Variants in TP63 observed in about 807,000 individuals in gnomAD.
TP63 encodes the protein tumor protein 63.
TP63 carries 17 observed loss-of-function variants against 82.8 expected under a neutral mutation model. That is an observed-to-expected ratio of 0.21 (90% CI 0.14 to 0.31). TP63 has a LOEUF of 0.31. Among genes scored for constraint, TP63 ranks in the 10% least tolerant of loss-of-function variants. The pLI is 1.00. For missense variants in TP63, 648 were observed against 895.3 expected, an observed-to-expected ratio of 0.72 and a Z score of 3.52; for synonymous variants, 330 against 321.7, an observed-to-expected ratio of 1.03 and a Z score of -0.28.
chr3:189,890,317 T>C (rs1026859098), intron 12 of TP63, among the ~76,000 whole-genome samples: 6 of 152,116 alleles, frequency 3.9e-5, no homozygotes, highest in Non-Finnish European at 7.4e-5. Flanking sequence ...AGGACATAAA[T>C]CAAAAGGCAT....
chr3:189,642,250 A>G (rs943273517), intron 1 of TP63, among the ~76,000 whole-genome samples: 1 of 152,186 alleles, frequency 6.6e-6, no homozygotes, highest in African/African-American at 2.4e-5. Context: ...GGAAACCACA[A>G]TTACTAATTT....
intron 3 of TP63, among the ~76,000 whole-genome samples, chr3:189,768,982 C>A (rs764772145): frequency 1.3e-5 from 2 of 152,172 alleles, no homozygotes; most frequent in Non-Finnish European, 2.9e-5. Flanking sequence ...TTGAAGCTCA[C>A]GTCTAAAACT....
At chr3:189,736,096 T>C (rs1168347159) in intron 1 of TP63, among the ~76,000 whole-genome samples, 1 of 149,114 alleles carries the variant, frequency 6.7e-6, no homozygotes, top group Non-Finnish European at 1.5e-5. Context: ...TTATTTAAAA[T>C]ATACATATCA....
intron 1 of TP63, among the ~76,000 whole-genome samples, chr3:189,707,590 T>C (rs1718298036): frequency 6.6e-6 from 1 of 152,208 alleles, no homozygotes; most frequent in Non-Finnish European, 1.5e-5. Flanking sequence ...AAATTTTTGC[T>C]CTTTTACATA....
At chr3:189,742,878 C>T (rs892589559) in intron 3 of TP63, among the ~76,000 whole-genome samples, 2 of 152,098 alleles carry the variant, frequency 1.3e-5, no homozygotes, top group African/African-American at 2.4e-5. Flanking sequence ...ATTGGCAACA[C>T]ATTGCAGAGA....
intron 4 of TP63, among the ~76,000 whole-genome samples, chr3:189,829,258 G>A (rs551497363): frequency 6.6e-6 from 1 of 152,252 alleles, no homozygotes; most frequent in Non-Finnish European, 1.5e-5. Flanking sequence ...GAGGATTCAG[G>A]AAATCATTTA....
At chr3:189,737,438 A>C (rs917471205) in intron 1 of TP63, among the ~76,000 whole-genome samples, 2 of 152,152 alleles carry the variant, frequency 1.3e-5, no homozygotes, top group Admixed American at 6.6e-5. Context: ...CAAAATCTAC[A>C]GAACACAGAT....
chr3:189,690,132 T>C (rs1716801751), intron 1 of TP63, among the ~76,000 whole-genome samples: 1 of 152,162 alleles, frequency 6.6e-6, no homozygotes, highest in African/African-American at 2.4e-5. Flanking sequence ...GAAAAATCGC[T>C]TTTTCTTTTC....
At chr3:189,755,393 C>T (rs1722115301) in intron 3 of TP63, among the ~76,000 whole-genome samples, 1 of 152,024 alleles carries the variant, frequency 6.6e-6, no homozygotes, top group Admixed American at 6.6e-5. Context: ...GTGATAATAA[C>T]TATGAACATT....
At chr3:189,726,419 A>G (rs1342324616) in intron 1 of TP63, among the ~76,000 whole-genome samples, 1 of 152,202 alleles carries the variant, frequency 6.6e-6, no homozygotes, top group Non-Finnish European at 1.5e-5. Flanking sequence ...CTAAGGTTCA[A>G]TATGATACAT....
At chr3:189,676,724 G>T (rs1437841485) in intron 1 of TP63, among the ~76,000 whole-genome samples, 1 of 151,910 alleles carries the variant, frequency 6.6e-6, no homozygotes, top group East Asian at 1.9e-4. Context: ...CCAGCCCCCT[G>T]CCCACAGACT....
rs181441393 is a variant in TP63 at position 189,651,834 on chromosome 3, G to A, written c.62+20257G>A. On this transcript the variant is annotated intron_variant, in intron 1 of 13. Transcript: ENST00000264731. ...CGTCCCAGATGCTTCAGCTCCAGCT[G>A]TGGCTAAAAGGGGAAAAGGTACAGC... Among the ~76,000 whole-genome samples the A allele has an allele frequency of 5.2e-4, 76 of 147,254 alleles. 20 individuals are homozygous for A. In the East Asian group the frequency reaches 0.016, roughly 31 times the overall value.
At chr3:189,775,202 A>C (rs1289759466) in intron 3 of TP63, among the ~76,000 whole-genome samples, 11 of 147,918 alleles carry the variant, frequency 7.4e-5, no homozygotes, top group African/African-American at 2.5e-4. Context: ...CCTGGGCAAC[A>C]AGAGTAAAAC....
At chr3:189,880,796 A>G (rs1292747400) in intron 10 of TP63, 1 of 985,250 alleles carries the variant, frequency 1.0e-6, no homozygotes, top group Non-Finnish European at 1.2e-6. Context: ...TCTTTGTGAG[A>G]ACTTGCATTA....
At position 189,809,493 on chromosome 3, in the gene TP63, A is replaced by T. The variant is rs749784349; in HGVS notation, c.579+967A>T. Among the ~76,000 whole-genome samples the T allele has an allele frequency of 1.7e-4, 25 of 150,038 alleles. 1 individual carries two copies. The highest frequency in any genetic ancestry group is 3.1e-4 in the Non-Finnish European group (21 of 68,012). On this transcript the variant is annotated intron_variant, in intron 4 of 13. Coordinates refer to ENST00000264731, the MANE Select transcript of TP63 (RefSeq NM_003722.5). ...GTTGATCAAAGAATGTTCAAGACCA[A>T]AGTGGTATGTTTGTCAAACAACTTA...
intron 1 of TP63, among the ~76,000 whole-genome samples, chr3:189,666,944 A>G (rs1714439520): frequency 6.6e-6 from 1 of 151,908 alleles, no homozygotes; most frequent in Non-Finnish European, 1.5e-5. Flanking sequence ...GTGACCATAT[A>G]TAAACACACT....
At chr3:189,619,552 C>T in the TP63 span, among the ~76,000 whole-genome samples, 5 of 152,138 alleles carry the variant, frequency 3.3e-5, no homozygotes, top group Non-Finnish European at 7.3e-5. Context: ...TTTTGTAAGA[C>T]ACCAAAGATG....
At chr3:189,876,010 G>A (rs1341184685) in intron 10 of TP63, among the ~76,000 whole-genome samples, 6 of 152,042 alleles carry the variant, frequency 3.9e-5, no homozygotes, top group Admixed American at 3.3e-4. Flanking sequence ...AAGCATTAAG[G>A]ATAGAGGTGA....
chr3:189,868,169 C>T (rs1474433888), intron 7 of TP63, among the ~76,000 whole-genome samples: 1 of 152,192 alleles, frequency 6.6e-6, no homozygotes, highest in Non-Finnish European at 1.5e-5. Context: ...GTGCAAGTCA[C>T]TTCATACCTG....
Sources: gnomAD v4.1 joint callset for allele counts (sites outside exome capture counted in the v4.1 genomes callset) on GRCh38, gnomAD v4.1.1 for gene constraint, MANE v1.5 for transcripts, NCBI Gene and HGNC (gene_info 2026-07-23, HGNC 2026-07-21) for gene names.